The following CFAP221 variants were observed in gnomAD, a reference collection of about 807,000 sequenced individuals.
The protein encoded by CFAP221 is cilia and flagella associated protein 221.
A neutral mutation model predicts 113.1 loss-of-function variants in CFAP221; 97 were observed. That is an observed-to-expected ratio of 0.86 (90% confidence interval 0.73 to 1.02). The LOEUF is 1.02. CFAP221 is among the 50% of genes least tolerant of loss of function. The pLI is 0.00. For synonymous variants in CFAP221, 331 were observed against 354.4 expected, an observed-to-expected ratio of 0.93 and a Z score of 0.74; for missense variants, 1,025 against 1,013.4, an observed-to-expected ratio of 1.01 and a Z score of -0.16.
At chr2:119,607,184 G>A (rs1684831197) in intron 11 of CFAP221, among the ~76,000 whole-genome samples, 1 of 152,108 alleles carries the variant, frequency 6.6e-6, no homozygotes, top group South Asian at 2.1e-4. Context: ...ATAGAGACAG[G>A]GTTTTGCCAC....
downstream of CFAP221, among the ~76,000 whole-genome samples, chr2:119,658,853 T>A (rs1003662756): frequency 1.2e-4 from 18 of 151,958 alleles, no homozygotes; most frequent in African/African-American, 3.6e-4. Flanking sequence ...TAGCCAGGCA[T>A]GGTGGCAAAC....
In CFAP221 at chr2:119,549,243, G is replaced by T. The variant is rs1217034392; in HGVS notation, c.240+58G>T. ...CATAATGAAGTGACAAAAATGTTCT[G>T]AATTTATATTATTCACTTATCTAAA... On this transcript the variant is annotated intron_variant, in intron 3 of 23. Transcript: ENST00000413369. The T allele has an allele frequency of 4.6e-6, 6 of 1,305,850 alleles. No individual in the cohort carries two copies. In the East Asian group the frequency reaches 1.5e-4, roughly 33 times the overall value. 80.9% of individuals were successfully genotyped at this position (1,305,850 alleles called of 1,614,324 possible). A position where few individuals can be genotyped will look rare whatever the true frequency, so the allele number is the denominator to read the frequency against.
At position 119,629,977 on chromosome 2, in the gene CFAP221, A is replaced by G. The variant is rs1686652974; in HGVS notation, c.1731+22A>G. 9 of 1,553,882 alleles carry G rather than the reference A, an allele frequency of 5.8e-6. No individual in the cohort carries two copies. The African/African-American group carries it at 8.2e-5, about 14-fold the overall frequency. ...GCAGGTCAGACCTGTCACATAAATT[A>G]ATTAATTGAGTTTCTTATTAAGTAA... On this transcript the variant is annotated intron_variant, in intron 17 of 23. Coordinates refer to ENST00000413369, the MANE Select transcript of CFAP221 (RefSeq NM_001271049.2).
At chr2:119,573,337 G>A (rs1682202614) in intron 6 of CFAP221, 2 of 152,146 alleles carry the variant, frequency 1.3e-5, no homozygotes. Context: ...CTTGTCAAGG[G>A]AAACACTGCT....
chr2:119,605,320 G>T, intron 11 of CFAP221, 31 bp downstream of exon 11: 1 of 1,517,046 alleles, frequency 6.6e-7, no homozygotes, highest in Non-Finnish European at 9.1e-7. Flanking sequence ...TGTATCAAGT[G>T]TCAGTACAGT....
At chr2:119,653,739 T>A (rs1688266202) in intron 23 of CFAP221, among the ~76,000 whole-genome samples, 1 of 152,214 alleles carries the variant, frequency 6.6e-6, no homozygotes, top group Admixed American at 6.5e-5. Flanking sequence ...AGATAGTGTG[T>A]TACCATCTCT....
At position 119,605,195 on chromosome 2, in the gene CFAP221, A is replaced by G; in HGVS notation, c.1039A>G (p.Thr347Ala). The G allele has an allele frequency of 3.7e-6, 6 of 1,613,662 alleles. No homozygotes were observed. Among genetic ancestry groups the G allele is most frequent in the Non-Finnish European group, 3.4e-6 (4 of 1,179,522 alleles). The change falls in exon 11 of 24, where the codon ACT (threonine) becomes GCT (alanine). Residue 347 changes from threonine to alanine, a missense_variant. Thr to Ala is a moderately conservative substitution (Grantham distance 58). Coordinates refer to ENST00000413369, the MANE Select transcript of CFAP221 (RefSeq NM_001271049.2). ...CCTGCCTTCAGTTTTGGACCAGGGC[A>G]CTGAAATTTCAAAAACGAGACAGAT... ...KELREVLDQGTEISKTRQMKE... is the reference protein window; with the variant it reads ...KELREVLDQGAEISKTRQMKE...
intron 6 of CFAP221, among the ~76,000 whole-genome samples, chr2:119,578,980 G>A (rs1352816397): frequency 1.3e-5 from 2 of 151,972 alleles, no homozygotes; most frequent in East Asian, 3.8e-4. Context: ...TTTCTGTAAG[G>A]CAAATTTTGC....
chr2:119,546,391 A>G (rs1415049429), intron 2 of CFAP221, 121 bp downstream of exon 2: 1 of 1,130,116 alleles, frequency 8.8e-7, no homozygotes, highest in Non-Finnish European at 1.2e-6. Context: ...GGCTTATACT[A>G]ATTTTTATTA....
In CFAP221 at chr2:119,613,605, G is replaced by A. The variant is rs576118725; in HGVS notation, c.1311+1863G>A. ...TGTACCTTGGCCCCTTTTAGTTATG[G>A]CTGGGACACAGGGCACTGAATCCCA... On this transcript the variant is annotated intron_variant, in intron 13 of 23. Coordinates refer to ENST00000413369, the MANE Select transcript of CFAP221 (RefSeq NM_001271049.2). 9.8e-5 allele frequency among the ~76,000 whole-genome samples: 15 copies of A among 152,292 alleles called. No individual in the cohort carries two copies. In the South Asian group the frequency reaches 2.7e-3, roughly 27 times the overall value.
chr2:119,603,759 G>A lies in CFAP221; in HGVS notation c.792-913G>A, dbSNP rs1684521688. On this transcript the variant is annotated intron_variant, in intron 8 of 23. Transcript: ENST00000413369. ...ATTTTCAAAATCGTAACTTTGCCTT[G>A]TGTTGCAGAAAAATATAACTATTTA... 2.0e-5 allele frequency among the ~76,000 whole-genome samples: 3 copies of A among 152,224 alleles called. No individual in the cohort carries two copies. The South Asian group carries it at 6.2e-4, about 32-fold the overall frequency.
intron 21 of CFAP221, among the ~76,000 whole-genome samples, chr2:119,641,698 T>C (rs60259345): frequency 0.19 from 28,201 of 152,110 alleles, 3,132 homozygotes; most frequent in African/African-American, 0.32. Flanking sequence ...AACTCTTCTC[T>C]CACTTCTACC....
intron 21 of CFAP221, among the ~76,000 whole-genome samples, chr2:119,640,469 C>T (rs1687416195): frequency 1.3e-5 from 2 of 152,166 alleles, no homozygotes; most frequent in Non-Finnish European, 2.9e-5. Context: ...TCTTCAAAAC[C>T]ATAAGATATC....
intron 7 of CFAP221, among the ~76,000 whole-genome samples, chr2:119,591,548 C>T (rs747202874): frequency 1.3e-5 from 2 of 152,238 alleles, no homozygotes; most frequent in Non-Finnish European, 2.9e-5. Context: ...CATGCACCAT[C>T]TCATTGAATT....
chr2:119,632,205 A>AG (rs1350050256), intron 19 of CFAP221, among the ~76,000 whole-genome samples: 1 of 152,236 alleles, frequency 6.6e-6, no homozygotes, highest in Non-Finnish European at 1.5e-5. Context: ...GAGATATTAC[A>AG]GGAAAAAAAA....
chr2:119,656,220 C>CT, intron 23 of CFAP221, 142 bp from the exon 24 acceptor site: 1 of 630,176 alleles, frequency 1.6e-6, no homozygotes, highest in Non-Finnish European at 2.9e-6. Flanking sequence ...GGTAAGTAAA[C>CT]TATCACTAAC....
intron 12 of CFAP221, among the ~76,000 whole-genome samples, chr2:119,610,167 G>T (rs1685052463): frequency 6.6e-6 from 1 of 152,204 alleles, no homozygotes; most frequent in Admixed American, 6.5e-5. Context: ...GCTGCGGGCA[G>T]TGACAGCCAA....
intron 16 of CFAP221, among the ~76,000 whole-genome samples, chr2:119,629,159 A>G (rs1429757794): frequency 2.0e-5 from 3 of 152,156 alleles, no homozygotes; most frequent in Admixed American, 2.0e-4. Context: ...GTTTCATCAT[A>G]TTAGTTTAGT....
At chr2:119,631,895 A>G (rs954546032) in intron 19 of CFAP221, among the ~76,000 whole-genome samples, 1 of 152,276 alleles carries the variant, frequency 6.6e-6, no homozygotes, top group African/African-American at 2.4e-5. Context: ...TTATGCCAGT[A>G]AATTTGATGA....
Sources: allele counts gnomAD v4.1 joint callset (sites outside exome capture counted in the v4.1 genomes callset), GRCh38; gene constraint gnomAD v4.1.1; transcripts MANE v1.5; gene names NCBI Gene and HGNC (gene_info 2026-07-23, HGNC 2026-07-21).